PEG3: variants seen among roughly 807,000 people sequenced by gnomAD.
The protein encoded by PEG3 is paternally expressed 3, also known as paternally-expressed gene 3 protein.
A neutral mutation model predicts 35.5 loss-of-function variants in PEG3; 23 were observed. The observed-to-expected ratio is 0.65, with a 90% CI of 0.47 to 0.92. The LOEUF (loss-of-function observed/expected upper bound fraction) is 0.92, where lower values mean the gene tolerates loss of function less well. PEG3 is among the 40% of genes least tolerant of loss of function. The pLI, the probability that PEG3 is intolerant of heterozygous loss-of-function variation, is 0.00. For synonymous variants in PEG3, 707 were observed against 697.0 expected (o/e 1.01, Z -0.23); for missense variants, 1,960 against 1,985.3 (o/e 0.99, Z 0.24).
In PEG3 at chr19:56,817,450, G is replaced by C. The variant is rs761156701; in HGVS notation, c.992C>G (p.Ala331Gly). 4 of 1,613,214 alleles carry C rather than the reference G, an allele frequency of 2.5e-6. No homozygotes were observed. The highest frequency in any genetic ancestry group is 1.3e-5 in the African/African-American group (1 of 74,860). The change falls in exon 10 of 10, where the codon GCA (alanine) becomes GGA (glycine). Residue 331 changes from alanine (A) to glycine (G), a missense_variant. By Grantham distance (60) the Ala-to-Gly change is moderately conservative (BLOSUM62 0). Around this residue, in one of 5 missense-constraint regions of PEG3, gnomAD observed 613 missense variants for 577.1 expected, o/e 1.06. Transcript: ENST00000326441. ...CTGTGACCGGTCGCTTGACTCCCTT[G>C]CTCTTCCCGATTTGGAACTGCGTGA... ...DVSRSSKSGR[A>G]RESSDRSQRF...
chr19:56,823,411 T>C (rs1182404549), intron 5 of PEG3, among the ~76,000 whole-genome samples, 182 bp downstream of exon 5: 2 of 152,206 alleles, frequency 1.3e-5, no homozygotes, highest in Non-Finnish European at 2.9e-5. Context: ...GGTGTCTGTT[T>C]AGATATAAAA....
chr19:56,815,618 T>C lies in PEG3; in HGVS notation c.2824A>G (p.Ile942Val), dbSNP rs1471888659. 1.2e-6 allele frequency: 2 copies of C among 1,614,176 alleles called. No homozygotes were observed. The highest frequency in any genetic ancestry group is 2.2e-5 in the East Asian group (1 of 44,878). Residue 942 changes from isoleucine (I) to valine (V), a missense_variant, in exon 10 of 10, where the codon ATT becomes GTT. By Grantham distance (29) the Ile-to-Val change is conservative. Coordinates refer to ENST00000326441, the MANE Select transcript of PEG3 (RefSeq NM_006210.3). ...GAGGTCTCATTGCTCCTATGCTCAA[T>C]GTATTTCTTTTTAGCACGAGCCTTC... ...YQKARAKKKY[I>V]EHRSNETSVI...
At position 56,811,956 on chromosome 19, in the gene PEG3, G is replaced by A; in HGVS notation, c.*1719C>T. On this transcript the variant is annotated 3_prime_UTR_variant, in exon 10 of 10. Transcript: ENST00000326441. The stretch of plus-strand genomic sequence containing the variant: ...CACTCATTTCTGCTTCTTGCTCTCA[G>A]CTCTACAATCTTCCTAAACTTTGAC... 1.0e-6 allele frequency: 1 copy of A among 985,196 alleles called. No homozygotes were observed. The highest frequency in any genetic ancestry group is 1.2e-6 in the Non-Finnish European group (1 of 829,876). 61.0% of individuals were successfully genotyped at this position (985,196 alleles called of 1,614,324 possible).
intron 2 of PEG3, among the ~76,000 whole-genome samples, chr19:56,828,400 T>C (rs886813025): frequency 6.6e-6 from 1 of 152,200 alleles, no homozygotes. Context: ...ATCTTGGCAA[T>C]TCCACTTCTG....
rs904878067 is a variant in PEG3 at position 56,812,353 on chromosome 19, TAAC to T, written c.*1319_*1321del. 1 of 983,666 alleles carries T rather than the reference TAAC, an allele frequency of 1.0e-6. No individual in the cohort carries two copies. 60.9% of individuals were successfully genotyped at this position (983,666 alleles called of 1,614,324 possible). A position where few individuals can be genotyped will look rare whatever the true frequency, so the allele number is the denominator to read the frequency against. On this transcript the variant is annotated 3_prime_UTR_variant, in exon 10 of 10. Coordinates refer to ENST00000326441, the MANE Select transcript of PEG3 (RefSeq NM_006210.3). ...GAGCTGAAAAAGAAGGAACAGATGT[TAAC>T]AAAACAAATTAAGGCTGCTGGGGAA...
intron 7 of PEG3, among the ~76,000 whole-genome samples, chr19:56,819,311 A>G (rs1472092809): frequency 4.6e-5 from 7 of 152,228 alleles, no homozygotes; most frequent in Admixed American, 4.6e-4. Context: ...ACAATTTCCA[A>G]ATCACCCAGG....
chr19:56,838,136 G>A (rs733558), intron 1 of PEG3, among the ~76,000 whole-genome samples: 7,599 of 152,168 alleles, frequency 0.05, 615 homozygotes, highest in African/African-American at 0.17. Flanking sequence ...TGCAGACCCC[G>A]TCAGTCACTC....
chr19:56,837,873 C>T (rs1450574390), intron 1 of PEG3, among the ~76,000 whole-genome samples: 2 of 152,128 alleles, frequency 1.3e-5, no homozygotes, highest in East Asian at 1.9e-4. Flanking sequence ...ACGGGGCTCA[C>T]GCTCACTCCT....
intron 8 of PEG3, among the ~76,000 whole-genome samples, chr19:56,818,366 A>G (rs577854615): frequency 6.6e-6 from 1 of 152,298 alleles, no homozygotes; most frequent in East Asian, 1.9e-4. Context: ...GGCAAGAAGC[A>G]TCTCCCTGCT....
chr19:56,838,843 G>T (rs2062553687), intron 1 of PEG3, among the ~76,000 whole-genome samples: 1 of 152,154 alleles, frequency 6.6e-6, no homozygotes, highest in South Asian at 2.1e-4. Context: ...CAGCAACCGT[G>T]GCCCCGCCCC....
At chr19:56,820,888 A>C (rs1368649742) in intron 7 of PEG3, among the ~76,000 whole-genome samples, 2 of 152,158 alleles carry the variant, frequency 1.3e-5, no homozygotes, top group Non-Finnish European at 2.9e-5. Context: ...GAAGGAAAGG[A>C]AGGCTCAGCC....
At chr19:56,820,609 C>T (rs1163799199) in intron 7 of PEG3, among the ~76,000 whole-genome samples, 4 of 152,146 alleles carry the variant, frequency 2.6e-5, no homozygotes, top group African/African-American at 4.8e-5. Flanking sequence ...CCTGACCCGG[C>T]GTGCTCCTGG....
chr19:56,840,043 G>A (rs2062809726), intron 1 of PEG3, among the ~76,000 whole-genome samples: 1 of 152,242 alleles, frequency 6.6e-6, no homozygotes, highest in Non-Finnish European at 1.5e-5. Context: ...GCCCCCAGAG[G>A]GTAGCCGGGC....
intron 5 of PEG3, 41 bp from the exon 6 acceptor site, chr19:56,822,877 G>C: frequency 1.3e-6 from 2 of 1,596,552 alleles, no homozygotes; most frequent in Non-Finnish European, 1.7e-6. Context: ...AAAGCTCTTT[G>C]ACACACCTGT....
At chr19:56,818,421 T>G (rs1229871776) in intron 8 of PEG3, among the ~76,000 whole-genome samples, 179 bp downstream of exon 8, 2 of 152,196 alleles carry the variant, frequency 1.3e-5, no homozygotes, top group Non-Finnish European at 2.9e-5. Context: ...GCCAGAGGCA[T>G]TTCTTAAAAA....
rs187295971 is a variant in PEG3, at chr19:56,812,693, T to C, written c.*982A>G. 7.3e-5 allele frequency: 72 copies of C among 985,266 alleles called. No homozygotes were observed. The East Asian group carries it at 4.7e-3, about 64-fold the overall frequency. 61.0% of individuals were successfully genotyped at this position (985,266 alleles called of 1,614,324 possible). ...GAGCCTCTCCTACGGTTCTCAACCT[T>C]CATTAGGCACTACTGTGATCTAGTG... On this transcript the variant is annotated 3_prime_UTR_variant, in exon 10 of 10. Coordinates refer to ENST00000326441, the MANE Select transcript of PEG3 (RefSeq NM_006210.3).
rs371103202 is a variant in PEG3, at chr19:56,816,695, T to G, written c.1747A>C (p.Lys583Gln). 8.1e-6 allele frequency: 13 copies of G among 1,614,062 alleles called. No individual in the cohort carries two copies. Among genetic ancestry groups the G allele is most frequent in the Non-Finnish European group, 1.1e-5 (13 of 1,180,026 alleles). ...TCTTTGTCATCCCCAAAGTGGATTT[T>G]CTGGTGCTCAATCAGGGCAGAACTA... ...LHSSALIEHQ[K>Q]IHFGDDKDNE... is the part of the protein sequence containing the mutation. The change falls in exon 10 of 10, where the codon AAA (lysine) becomes CAA (glutamine). Residue 583 changes from lysine (K) to glutamine (Q), a missense_variant. Physicochemically the swap from Lys to Gln is moderately conservative, Grantham distance 53. Coordinates refer to ENST00000326441, the MANE Select transcript of PEG3 (RefSeq NM_006210.3).
chr19:56,838,236 G>T (rs2062422398), intron 1 of PEG3, among the ~76,000 whole-genome samples: 1 of 152,160 alleles, frequency 6.6e-6, no homozygotes, highest in South Asian at 2.1e-4. Context: ...TACAGCCAAA[G>T]ATTGCACCAC....
chr19:56,838,313 A>C (rs1214828386), intron 1 of PEG3, among the ~76,000 whole-genome samples: 1 of 150,894 alleles, frequency 6.6e-6, no homozygotes, highest in Admixed American at 6.6e-5. Flanking sequence ...CCTGGGGCCG[A>C]CCCAGGTGTC....
Sources: allele counts gnomAD v4.1 joint callset (sites outside exome capture counted in the v4.1 genomes callset), GRCh38; gene constraint gnomAD v4.1.1; regional missense constraint gnomAD v4.1.1; transcripts MANE v1.5; gene names NCBI Gene and HGNC (gene_info 2026-07-23, HGNC 2026-07-21).